CCDC149: variants seen among roughly 807,000 people sequenced by gnomAD.
The protein encoded by CCDC149 is coiled-coil domain containing 149.
CCDC149 carries 45 observed loss-of-function variants against 59.9 expected under a neutral mutation model. That is an observed-to-expected ratio of 0.75 (90% confidence interval 0.59 to 0.96). CCDC149 has a LOEUF of 0.96. Ranked by LOEUF, CCDC149 falls within the 40% of genes least tolerant of loss-of-function variation. The probability of loss-of-function intolerance (pLI) is 0.00; values close to 1 mark genes in which losing one functional copy is unlikely to be tolerated. For missense variants in CCDC149, 584 were observed against 664.7 expected, an observed-to-expected ratio of 0.88 and a Z score of 1.33; for synonymous variants, 245 against 260.6, an observed-to-expected ratio of 0.94 and a Z score of 0.58.
intron 3 of CCDC149, among the ~76,000 whole-genome samples, chr4:24,873,452 C>T (rs1363057299): frequency 6.6e-6 from 1 of 152,198 alleles, no homozygotes; most frequent in East Asian, 1.9e-4. Flanking sequence ...GGATTCCCAA[C>T]ATGAAAGGGA....
chr4:24,851,243 A>T (rs575935821), intron 4 of CCDC149, among the ~76,000 whole-genome samples: 2 of 152,304 alleles, frequency 1.3e-5, no homozygotes, highest in South Asian at 4.1e-4. Flanking sequence ...TAACACACTC[A>T]CACACATGCC....
chr4:24,904,264 C>T (rs1295005196), intron 1 of CCDC149, among the ~76,000 whole-genome samples: 2 of 152,086 alleles, frequency 1.3e-5, no homozygotes, highest in East Asian at 3.8e-4. Flanking sequence ...TAGAAGACAG[C>T]ATTAATTCAT....
At chr4:24,886,038 A>T (rs914459975) in intron 1 of CCDC149, among the ~76,000 whole-genome samples, 1 of 152,198 alleles carries the variant, frequency 6.6e-6, no homozygotes, top group East Asian at 1.9e-4. Context: ...GATTAGTCCC[A>T]TTTTACAGAG....
intron 1 of CCDC149, among the ~76,000 whole-genome samples, chr4:24,952,059 T>C (rs914259063): frequency 1.3e-5 from 2 of 152,114 alleles, no homozygotes; most frequent in Non-Finnish European, 2.9e-5. Flanking sequence ...TCTCAGATCA[T>C]CCTCTTTCTC....
chr4:24,971,334 G>A (rs1041109701), intron 1 of CCDC149, among the ~76,000 whole-genome samples: 2 of 152,180 alleles, frequency 1.3e-5, no homozygotes, highest in Admixed American at 6.5e-5. Context: ...TTGCCCGGGG[G>A]ACGCCCTCGG....
At chr4:24,876,841 A>C in intron 1 of CCDC149, 144 bp from the exon 2 acceptor site, 1 of 764,760 alleles carries the variant, frequency 1.3e-6, no homozygotes, top group Non-Finnish European at 2.1e-6. Context: ...TTTTTCAGCA[A>C]ATGACATGTA....
chr4:24,961,171 G>A (rs544569657), intron 1 of CCDC149, among the ~76,000 whole-genome samples: 86 of 152,168 alleles, frequency 5.7e-4, no homozygotes, highest in Non-Finnish European at 1.2e-3. Flanking sequence ...AGATGCTGAA[G>A]GACAGAAAGA....
At chr4:24,813,720 G>A (rs1204352089) in intron 12 of CCDC149, among the ~76,000 whole-genome samples, 1 of 151,838 alleles carries the variant, frequency 6.6e-6, no homozygotes, top group East Asian at 1.9e-4. Flanking sequence ...TTACATAATT[G>A]AATAAACTTC....
chr4:24,809,398 C>G (rs941853458), intron 12 of CCDC149, among the ~76,000 whole-genome samples: 21 of 152,298 alleles, frequency 1.4e-4, no homozygotes, highest in African/African-American at 5.1e-4. Flanking sequence ...CCCTAAACCC[C>G]TTCTCTATAG....
intron 3 of CCDC149, among the ~76,000 whole-genome samples, chr4:24,860,937 G>A (rs76941251): frequency 0.026 from 3,950 of 152,104 alleles, 164 homozygotes; most frequent in African/African-American, 0.09. Context: ...CTCCTGTAAG[G>A]CCATAATTTA....
chr4:24,819,450 A>C (rs1715221883), intron 12 of CCDC149, among the ~76,000 whole-genome samples: 1 of 152,176 alleles, frequency 6.6e-6, no homozygotes, highest in African/African-American at 2.4e-5. Flanking sequence ...CCTCCTGAGT[A>C]GCTGGGACTA....
chr4:24,826,974 T>G (rs1310891908), intron 9 of CCDC149: 3 of 152,166 alleles, frequency 2.0e-5, no homozygotes, highest in Non-Finnish European at 2.9e-5. Flanking sequence ...GAGGGAGATT[T>G]TAAAGTTTTA....
intron 3 of CCDC149, among the ~76,000 whole-genome samples, chr4:24,866,829 A>ACC (rs1159352071): frequency 6.7e-6 from 1 of 149,596 alleles, no homozygotes; most frequent in African/African-American, 2.5e-5. Flanking sequence ...ACACCCACAC[A>ACC]CACACACACA....
chr4:24,952,642 T>A (rs1201800203), intron 1 of CCDC149, among the ~76,000 whole-genome samples: 4 of 33,262 alleles, frequency 1.2e-4, no homozygotes, highest in East Asian at 8.7e-4. Flanking sequence ...TATATATATA[T>A]ATATATATAT....
intron 2 of CCDC149, among the ~76,000 whole-genome samples, chr4:24,874,240 A>ATTTTTTTTTTTTTT (rs1560230340): frequency 2.3e-5 from 2 of 85,688 alleles, no homozygotes; most frequent in African/African-American, 1.2e-4. Flanking sequence ...GTCCTATTAG[A>ATTTTTTTTTTTTTT]TTTGTTTTTT....
At chr4:24,853,587 CAAAAA>C (rs11291619) in intron 3 of CCDC149, among the ~76,000 whole-genome samples, 1 of 92,366 alleles carries the variant, frequency 1.1e-5, no homozygotes. Context: ...GACTCCATTT[CAAAAA>C]AAAAAAAAAA....
intron 3 of CCDC149, among the ~76,000 whole-genome samples, chr4:24,869,463 G>A (rs550438519): frequency 1.3e-5 from 2 of 152,304 alleles, no homozygotes; most frequent in Admixed American, 1.3e-4. Context: ...TCTATGAGCT[G>A]GAACCTGTCT....
intron 1 of CCDC149, chr4:24,895,065 A>G: frequency 6.7e-7 from 1 of 1,491,576 alleles, no homozygotes; most frequent in South Asian, 1.2e-5. Context: ...GATGGTGATG[A>G]TGATGAGTTA....
chr4:24,959,150 A>G lies in CCDC149; in HGVS notation c.-65+20919T>C, dbSNP rs1170256215. On this transcript the variant is annotated intron_variant, in intron 1 of 12. Coordinates refer to the CCDC149 transcript ENST00000389609. ...CACCACGGCCAGCTAATTTTTTTGT[A>G]TTTTTAGTGGAGATGGTGTTTCACC... 4.6e-5 allele frequency among the ~76,000 whole-genome samples: 7 copies of G among 151,962 alleles called. No individual in the cohort carries two copies. The East Asian group carries it at 1.4e-3, about 30-fold the overall frequency.
Sources: allele counts gnomAD v4.1 joint callset (sites outside exome capture counted in the v4.1 genomes callset), GRCh38; gene constraint gnomAD v4.1.1; transcripts MANE v1.5; gene names NCBI Gene and HGNC (gene_info 2026-07-23, HGNC 2026-07-21).